Variants in HORMAD2 observed in about 807,000 individuals in gnomAD.
The protein encoded by HORMAD2 is HORMA domain-containing protein 2.
In HORMAD2, 45 loss-of-function variants were observed where a neutral mutation model predicts 38.8. The ratio of observed to expected loss-of-function variants is 1.16; its 90% CI spans 0.91 to 1.49. HORMAD2 has a LOEUF of 1.49. Among genes scored for constraint, HORMAD2 ranks in the 40% most tolerant of loss-of-function variants. The pLI is 0.00. For synonymous variants in HORMAD2, 126 were observed against 122.8 expected (o/e 1.03, Z -0.17); for missense variants, 338 against 367.0 (o/e 0.92, Z 0.65).
At chr22:30,082,729 G>A (rs561142133) in intron 1 of HORMAD2, among the ~76,000 whole-genome samples, 1 of 149,688 alleles carries the variant, frequency 6.7e-6, no homozygotes, top group African/African-American at 2.5e-5. Flanking sequence ...AGAAGTTTGA[G>A]GTTGCAATGA....
chr22:30,132,974 A>C (rs1386405740), intron 10 of HORMAD2, among the ~76,000 whole-genome samples: 1 of 152,218 alleles, frequency 6.6e-6, no homozygotes, highest in Non-Finnish European at 1.5e-5. Flanking sequence ...TAAAATAAAT[A>C]AATTTTGTTT....
Position 30,122,097 on chromosome 22 carries a change from C to T in HORMAD2, c.702C>T (p.Val234=), listed in dbSNP as rs1249021113. ...STGFHSMKVK[V]MTEATKVIDL... ...GCTTTCATAGCATGAAAGTAAAAGTCATGACAGAGGCTACAAAAGTGATTG... is the reference window on the plus strand; with the variant it reads ...GCTTTCATAGCATGAAAGTAAAAGTTATGACAGAGGCTACAAAAGTGATTG... Residue 234 remains valine (V), a synonymous_variant, in exon 10 of 11, where the codon GTC becomes GTT. Coordinates refer to ENST00000336726, the MANE Select transcript of HORMAD2 (RefSeq NM_152510.4). 10 of 1,613,586 alleles carry T rather than the reference C, an allele frequency of 6.2e-6. No individual in the cohort carries two copies. Among genetic ancestry groups the T allele is most frequent in the Admixed American group, 1.7e-5 (1 of 59,930 alleles).
intron 10 of HORMAD2, chr22:30,137,326 T>C: frequency 2.0e-6 from 1 of 509,302 alleles, no homozygotes; most frequent in East Asian, 4.7e-5. Context: ...GATGAGTGTC[T>C]TTCCCATAGT....
At chr22:30,166,281 G>A (rs1021339925) in intron 10 of HORMAD2, among the ~76,000 whole-genome samples, 1 of 151,898 alleles carries the variant, frequency 6.6e-6, no homozygotes, top group Non-Finnish European at 1.5e-5. Flanking sequence ...CTATTTACTT[G>A]TATAATATTC....
At chr22:30,180,518 C>G (rs996227596), downstream of HORMAD2, among the ~76,000 whole-genome samples, 5 of 152,158 alleles carry the variant, frequency 3.3e-5, no homozygotes, top group South Asian at 2.1e-4. Flanking sequence ...AAGAAAAAGC[C>G]TAGGCTGCTA....
downstream of HORMAD2, among the ~76,000 whole-genome samples, chr22:30,178,419 T>C (rs1020293107): frequency 6.6e-6 from 1 of 152,214 alleles, no homozygotes; most frequent in African/African-American, 2.4e-5. Flanking sequence ...GCCTGTGCCC[T>C]TGGCTGGGCA....
chr22:30,121,737 G>A lies in HORMAD2; in HGVS notation c.516G>A (p.Glu172=), dbSNP rs765429148. The A allele has an allele frequency of 3.0e-5, 49 of 1,612,640 alleles. No homozygotes were observed. The East Asian group carries it at 9.8e-4, about 32-fold the overall frequency. ...TGTATATACTGATGCAGGACCTTGAGCCACTTCCTAATAATGTTGTACTTA... is the reference window on the plus strand; with the variant it reads ...TGTATATACTGATGCAGGACCTTGAACCACTTCCTAATAATGTTGTACTTA... The part of the protein sequence containing the change: ...RKLYILMQDL[E]PLPNNVVLTM... The change falls in exon 9 of 11, where the codon GAG becomes GAA. Residue 172 remains glutamate, a synonymous_variant. Coordinates refer to ENST00000336726, the MANE Select transcript of HORMAD2 (RefSeq NM_152510.4).
intron 3 of HORMAD2, among the ~76,000 whole-genome samples, chr22:30,099,653 G>A (rs536207035): frequency 3.3e-5 from 5 of 152,248 alleles, no homozygotes; most frequent in Non-Finnish European, 5.9e-5. Flanking sequence ...TTGGGAGGCC[G>A]AGGCGAGTGG....
In HORMAD2 at chr22:30,170,177, A is replaced by G. The variant is rs1445913714; in HGVS notation, c.820-5886A>G. Among the ~76,000 whole-genome samples the G allele has an allele frequency of 2.0e-5, 3 of 152,212 alleles. No homozygotes were observed. In the East Asian group the frequency reaches 5.8e-4, roughly 29 times the overall value. On this transcript the variant is annotated intron_variant, in intron 10 of 10. Transcript: ENST00000336726. ...TAGACATAAACTTAACTACAAATTT[A>G]TACTGGTGAGGACTGGTTTTCTCAA...
chr22:30,155,076 T>TA lies in HORMAD2; in HGVS notation c.820-20971dup, dbSNP rs76739346. On this transcript the variant is annotated intron_variant, in intron 10 of 10. Transcript: ENST00000336726. ...TGACAAAGTGAGACCTTGCTTTTTT[T>TA]AAAAAAAAAAAAAAAAGAAAGAAAG... Among the ~76,000 whole-genome samples the TA allele has an allele frequency of 4.0e-3, 550 of 138,028 alleles. 11 individuals are homozygous for TA. The East Asian group carries it at 0.06, about 15-fold the overall frequency. 90.6% of individuals were successfully genotyped at this position (138,028 alleles called of 152,430 possible).
At chr22:30,088,278 T>C (rs2068621794) in intron 1 of HORMAD2, among the ~76,000 whole-genome samples, 1 of 150,562 alleles carries the variant, frequency 6.6e-6, no homozygotes, top group Non-Finnish European at 1.5e-5. Flanking sequence ...TATACACACA[T>C]ATATACATAC....
At chr22:30,149,555 T>G (rs1461250570) in intron 10 of HORMAD2, among the ~76,000 whole-genome samples, 1 of 152,200 alleles carries the variant, frequency 6.6e-6, no homozygotes, top group East Asian at 1.9e-4. Flanking sequence ...TCTCTGGAGC[T>G]TTTCACCTTT....
At chr22:30,137,175 A>G in intron 10 of HORMAD2, 4 of 554,086 alleles carry the variant, frequency 7.2e-6, no homozygotes, top group Non-Finnish European at 1.4e-5. Context: ...GAAATTAATC[A>G]GGCATTTTTG....
At chr22:30,119,084 T>A in intron 8 of HORMAD2, 37 bp downstream of exon 8, 1 of 1,406,196 alleles carries the variant, frequency 7.1e-7, no homozygotes, top group Non-Finnish European at 9.8e-7. Context: ...GAGAAATAAA[T>A]AGGATTGAGG....
rs199922510 is a variant in HORMAD2 at position 30,176,203 on chromosome 22, A to C, written c.*36A>C. 1,285 of 1,346,094 alleles carry C rather than the reference A, an allele frequency of 9.5e-4. 12 individuals carry two copies. In the African/African-American group the frequency reaches 0.016, roughly 17 times the overall value. 83.4% of individuals were successfully genotyped at this position (1,346,094 alleles called of 1,614,324 possible). ...TTCCTTCTACATTTATTTTAAAATAAGTTTATTTTGTAAAAACATGCATAA... is the reference window on the plus strand; with the variant it reads ...TTCCTTCTACATTTATTTTAAAATACGTTTATTTTGTAAAAACATGCATAA... On this transcript the variant is annotated 3_prime_UTR_variant, in exon 11 of 11. Transcript: ENST00000336726.
intron 1 of HORMAD2, among the ~76,000 whole-genome samples, chr22:30,092,226 A>T (rs1208852796): frequency 6.6e-6 from 1 of 151,658 alleles, no homozygotes; most frequent in South Asian, 2.1e-4. Context: ...TGGGGAGATG[A>T]TATCTCATTG....
chr22:30,176,109 C>G lies in HORMAD2; in HGVS notation c.866C>G (p.Ser289Cys), dbSNP rs1027784006. ...FVCSQQSSEC[S>C]RKKRKVSEPV... ...TGCAGTCAGCAAAGTTCTGAGTGCT[C>G]CAGGAAGAAGAGGAAGGTCAGTGAA... is the stretch of plus-strand genomic sequence containing the variant. Residue 289 changes from serine to cysteine, a missense_variant, in exon 11 of 11, where the codon TCC (serine) becomes TGC (cysteine). Physicochemically the swap from Ser to Cys is moderately radical, Grantham distance 112 (BLOSUM62 -1). Coordinates refer to ENST00000336726, the MANE Select transcript of HORMAD2 (RefSeq NM_152510.4). 3 of 1,613,176 alleles carry G rather than the reference C, an allele frequency of 1.9e-6. No individual in the cohort carries two copies. In the Admixed American group the frequency reaches 5.0e-5, roughly 27 times the overall value.
At chr22:30,151,135 T>C (rs187360893) in intron 10 of HORMAD2, among the ~76,000 whole-genome samples, 18 of 152,348 alleles carry the variant, frequency 1.2e-4, no homozygotes, top group Admixed American at 3.3e-4. Flanking sequence ...TTTAGGTTTC[T>C]TGGGTCTGCT....
intron 10 of HORMAD2, among the ~76,000 whole-genome samples, chr22:30,141,369 A>T (rs960657094): frequency 2.0e-5 from 3 of 151,790 alleles, no homozygotes; most frequent in African/African-American, 7.3e-5. Flanking sequence ...TTTTTATTTA[A>T]TTTTTTTATT....
Sources: allele counts gnomAD v4.1 joint callset (sites outside exome capture counted in the v4.1 genomes callset), GRCh38; gene constraint gnomAD v4.1.1; transcripts MANE v1.5; gene names NCBI Gene and HGNC (gene_info 2026-07-23, HGNC 2026-07-21).